EYS: variants seen among roughly 807,000 people sequenced by gnomAD.
The protein encoded by EYS is protein eyes shut homolog.
EYS carries 250 observed loss-of-function variants against 282.1 expected under a neutral mutation model. That is an observed-to-expected ratio of 0.89 (90% confidence interval 0.80 to 0.98). The LOEUF (loss-of-function observed/expected upper bound fraction) is 0.98, where lower values mean the gene tolerates loss of function less well. Among genes scored for constraint, EYS ranks in the 50% least tolerant of loss-of-function variants. The pLI, the probability that EYS is intolerant of heterozygous loss-of-function variation, is 0.00. For synonymous variants in EYS, 1,355 were observed against 1,282.9 expected, an observed-to-expected ratio of 1.06 and a Z score of -1.20; for missense variants, 4,016 against 3,709.0, an observed-to-expected ratio of 1.08 and a Z score of -2.15.
chr6:64,529,015 G>C lies in EYS; in HGVS notation c.5644+61208C>G, dbSNP rs76544732. On this transcript the variant is annotated intron_variant, in intron 26 of 42. Coordinates refer to ENST00000503581, the MANE Select transcript of EYS (RefSeq NM_001142800.2). Reference sequence around the variant, plus strand: ...AGAGCAAGACATACAATGGTATACAGAGTTTTTTGAATCTATTAGATCCTA... The same window carrying C: ...AGAGCAAGACATACAATGGTATACACAGTTTTTTGAATCTATTAGATCCTA... 2.3e-4 allele frequency among the ~76,000 whole-genome samples: 35 copies of C among 152,022 alleles called. No homozygotes were observed. In the East Asian group the frequency reaches 6.6e-3, roughly 28 times the overall value.
At chr6:65,034,463 T>C (rs1252118694) in intron 13 of EYS, among the ~76,000 whole-genome samples, 2 of 152,106 alleles carry the variant, frequency 1.3e-5, no homozygotes, top group African/African-American at 4.8e-5. Flanking sequence ...TGGGAGGTGT[T>C]TGGATCATGG....
intron 26 of EYS, among the ~76,000 whole-genome samples, chr6:64,526,780 A>C (rs1777932369): frequency 6.6e-6 from 1 of 151,836 alleles, no homozygotes. Flanking sequence ...ATTAAATGAC[A>C]TATAATCAAG....
chr6:63,914,999 G>A (rs942772690), intron 35 of EYS, among the ~76,000 whole-genome samples: 2 of 152,166 alleles, frequency 1.3e-5, no homozygotes, highest in African/African-American at 4.8e-5. Context: ...GCTACAGCAT[G>A]TTATTCAGAA....
At chr6:64,615,882 AGTAGACATGTG>A (rs1274380184) in intron 24 of EYS, among the ~76,000 whole-genome samples, 7 of 152,090 alleles carry the variant, frequency 4.6e-5, no homozygotes, top group Admixed American at 4.6e-4. Flanking sequence ...TCTTCTATTT[AGTAGACATGTG>A]GTCTTATAAA....
intron 39 of EYS, chr6:63,779,464 AAACC>A (rs1295823122): frequency 2.0e-5 from 3 of 151,514 alleles, no homozygotes; most frequent in Non-Finnish European, 4.4e-5. Context: ...AAAAAAAAAA[AAACC>A]AAACAAACAA....
intron 35 of EYS, among the ~76,000 whole-genome samples, chr6:63,900,287 T>C (rs748781055): frequency 2.6e-5 from 4 of 152,194 alleles, no homozygotes; most frequent in East Asian, 1.9e-4. Context: ...TATTAAAATA[T>C]ATACAGTTTT....
chr6:64,025,488 G>T (rs959600186), intron 33 of EYS, among the ~76,000 whole-genome samples: 1 of 152,122 alleles, frequency 6.6e-6, no homozygotes, highest in African/African-American at 2.4e-5. Flanking sequence ...CTTCTCTGAG[G>T]TTAGTCCTCC....
At chr6:64,930,309 C>A (rs1310757639) in intron 15 of EYS, among the ~76,000 whole-genome samples, 1 of 152,028 alleles carries the variant, frequency 6.6e-6, no homozygotes, top group African/African-American at 2.4e-5. Context: ...CCTACCCACA[C>A]ATATTTTGTT....
At chr6:64,194,624 C>T (rs1765224869) in intron 31 of EYS, among the ~76,000 whole-genome samples, 1 of 152,012 alleles carries the variant, frequency 6.6e-6, no homozygotes, top group Non-Finnish European at 1.5e-5. Flanking sequence ...AAAACATGAT[C>T]TGTATGATAT....
At chr6:64,663,572 C>T (rs1004996825) in intron 22 of EYS, among the ~76,000 whole-genome samples, 3 of 152,126 alleles carry the variant, frequency 2.0e-5, no homozygotes, top group African/African-American at 7.2e-5. Context: ...TGATGTATTA[C>T]CAATGTCCAT....
At chr6:63,822,618 C>T (rs1771352655) in intron 36 of EYS, 1 of 152,204 alleles carries the variant, frequency 6.6e-6, no homozygotes, top group East Asian at 1.9e-4. Context: ...TTACATACAG[C>T]TGTGCTATTA....
intron 5 of EYS, among the ~76,000 whole-genome samples, chr6:65,444,936 C>T (rs1768594929): frequency 6.6e-6 from 1 of 151,874 alleles, no homozygotes; most frequent in African/African-American, 2.4e-5. Flanking sequence ...TAGCTTGTTA[C>T]CTGTCTACAC....
chr6:63,950,076 G>A (rs1229235420), intron 35 of EYS, among the ~76,000 whole-genome samples: 1 of 152,000 alleles, frequency 6.6e-6, no homozygotes, highest in Non-Finnish European at 1.5e-5. Flanking sequence ...GGGAGGCTGA[G>A]GCAGAGAATT....
Position 65,585,582 on chromosome 6 carries a change from T to C in EYS, c.-333+54196A>G, listed in dbSNP as rs73742012. On this transcript the variant is annotated intron_variant, in intron 2 of 42. Coordinates refer to ENST00000503581, the MANE Select transcript of EYS (RefSeq NM_001142800.2). The stretch of plus-strand genomic sequence containing the variant: ...AATACAATGCAATTCAGTATATTAT[T>C]TCAATAACAGTTTTTAGTGTACTCT... Among the ~76,000 whole-genome samples the C allele has an allele frequency of 1.1e-3, 171 of 152,090 alleles. 1 individual carries two copies. Among genetic ancestry groups the C allele is most frequent in the African/African-American group, 3.7e-3 (154 of 41,574 alleles).
At position 65,464,481 on chromosome 6, in the gene EYS, C is replaced by A. The variant is rs377268133; in HGVS notation, c.862+26113G>T. 7.2e-4 allele frequency among the ~76,000 whole-genome samples: 110 copies of A among 152,210 alleles called. 3 individuals are homozygous for A. The South Asian group carries it at 0.021, about 28-fold the overall frequency. On this transcript the variant is annotated intron_variant, in intron 5 of 42. Transcript: ENST00000503581. ...GAAAATAAGACTAAAGTTTGTAATA[C>A]AACTAAATGCCAAAGTTGAATCTCT...
intron 29 of EYS, among the ~76,000 whole-genome samples, chr6:64,345,533 C>T (rs1771350478): frequency 1.3e-5 from 2 of 152,054 alleles, no homozygotes; most frequent in Admixed American, 6.6e-5. Context: ...TTCCTTACAC[C>T]TTATACAAAA....
intron 26 of EYS, among the ~76,000 whole-genome samples, chr6:64,497,132 G>A (rs1776913862): frequency 6.6e-6 from 1 of 152,024 alleles, no homozygotes. Context: ...CACAATGCAA[G>A]TATAAAAGAC....
chr6:65,086,892 C>T lies in EYS; in HGVS notation c.2024-29165G>A, dbSNP rs576378544. On this transcript the variant is annotated intron_variant, in intron 12 of 42. Coordinates refer to ENST00000503581, the MANE Select transcript of EYS (RefSeq NM_001142800.2). ...AGGCTGGAGTGCAGTGGCACGAACT[C>T]GGCTCACTGCACCTCCACCTCCCAG... is the stretch of plus-strand genomic sequence containing the variant. Among the ~76,000 whole-genome samples, 46 of 151,766 alleles carry T rather than the reference C, an allele frequency of 3.0e-4. No homozygotes were observed. The East Asian group carries it at 8.6e-3, about 28-fold the overall frequency.
At chr6:65,288,743 G>A (rs554838514) in intron 12 of EYS, among the ~76,000 whole-genome samples, 1 of 151,158 alleles carries the variant, frequency 6.6e-6, no homozygotes, top group African/African-American at 2.4e-5. Flanking sequence ...TGATAACAAT[G>A]TCTCCTGCTA....
Sources: allele counts gnomAD v4.1 joint callset (sites outside exome capture counted in the v4.1 genomes callset), GRCh38; gene constraint gnomAD v4.1.1; transcripts MANE v1.5; gene names NCBI Gene and HGNC (gene_info 2026-07-23, HGNC 2026-07-21).